The following RPS6KA2 variants were observed in gnomAD, a reference collection of about 807,000 sequenced individuals.
The protein encoded by RPS6KA2 is ribosomal protein S6 kinase A2, also known as ribosomal protein S6 kinase alpha-2.
Under a neutral mutation model 91.8 loss-of-function variants are expected in RPS6KA2, and 42 were observed. The observed-to-expected ratio is 0.46, with a 90% CI of 0.36 to 0.59. The LOEUF (loss-of-function observed/expected upper bound fraction) is 0.59, where lower values mean the gene tolerates loss of function less well. Ranked by LOEUF, RPS6KA2 falls within the 20% of genes least tolerant of loss-of-function variation. RPS6KA2 has a pLI of 0.00. For missense variants in RPS6KA2, 798 were observed against 978.5 expected (o/e 0.82, Z 2.46); for synonymous variants, 414 against 393.6 (o/e 1.05, Z -0.61).
At chr6:166,788,427 G>C (rs996206559) in intron 2 of RPS6KA2, among the ~76,000 whole-genome samples, 2 of 152,162 alleles carry the variant, frequency 1.3e-5, no homozygotes, top group Non-Finnish European at 2.9e-5. Context: ...CAAAGACATG[G>C]AACCAACCCA....
In RPS6KA2 at chr6:166,639,585, T is replaced by C. The variant is rs553660723; in HGVS notation, c.124-100801A>G. ...TTCTTCCTAGCCAGGCCTTCTTCCATGTTGCGTTTGCCTCTCCTCCTTCCT... is the reference window on the plus strand; with the variant it reads ...TTCTTCCTAGCCAGGCCTTCTTCCACGTTGCGTTTGCCTCTCCTCCTTCCT... On this transcript the variant is annotated intron_variant, in intron 2 of 21. Coordinates refer to the RPS6KA2 transcript ENST00000503859. This position sits in a 1 kb window ranked among gnomAD's most constrained non-coding sequence, Gnocchi z 4.2. Among the ~76,000 whole-genome samples the C allele has an allele frequency of 1.3e-5, 2 of 152,262 alleles. No individual in the cohort carries two copies. Among genetic ancestry groups the C allele is most frequent in the South Asian group, 4.1e-4 (2 of 4,820 alleles).
intron 2 of RPS6KA2, among the ~76,000 whole-genome samples, chr6:166,659,794 G>A (rs575159699): frequency 6.6e-6 from 1 of 152,382 alleles, no homozygotes; most frequent in Non-Finnish European, 1.5e-5. Context: ...CACCGACTGC[G>A]GGATGGGGGA....
At chr6:166,429,517 C>G (rs539980632) in intron 16 of RPS6KA2, among the ~76,000 whole-genome samples, 1 of 152,294 alleles carries the variant, frequency 6.6e-6, no homozygotes, top group East Asian at 1.9e-4. Flanking sequence ...GTGGCGTGAT[C>G]TTGGCTCATT....
At position 166,702,865 on chromosome 6, in the gene RPS6KA2, AT is replaced by A. The variant is rs933411391; in HGVS notation, c.123+155334del. The A allele has an allele frequency of 5.8e-5, 54 of 937,956 alleles. No individual in the cohort carries two copies. The East Asian group carries it at 8.4e-4, about 15-fold the overall frequency. The allele number at this position is 937,956 out of a possible 1,614,324, so 58.1% of individuals were successfully genotyped here. A position where few individuals can be genotyped will look rare whatever the true frequency, so the allele number is the denominator to read the frequency against. On this transcript the variant is annotated intron_variant, in intron 2 of 21. Coordinates refer to the RPS6KA2 transcript ENST00000503859. The stretch of plus-strand genomic sequence containing the variant: ...TGTGAAGAATGGTTGTTTAAAAAAA[AT>A]TAATGAGAAAAACGAAAATTAAAAC...
At chr6:166,702,108 C>T (rs949348156) in intron 2 of RPS6KA2, 20 of 1,501,106 alleles carry the variant, frequency 1.3e-5, no homozygotes, top group Non-Finnish European at 1.8e-5. Context: ...ATCGACTTCT[C>T]AGCAGCCCCT....
intron 15 of RPS6KA2, among the ~76,000 whole-genome samples, chr6:166,431,711 G>A (rs905020029): frequency 1.8e-4 from 27 of 152,076 alleles, no homozygotes; most frequent in African/African-American, 6.0e-4. Context: ...CCACCTCCCA[G>A]GTTCAAGCAA....
intron 2 of RPS6KA2, among the ~76,000 whole-genome samples, chr6:166,828,007 G>C (rs1780089788): frequency 6.6e-6 from 1 of 152,212 alleles, no homozygotes; most frequent in Admixed American, 6.5e-5. Flanking sequence ...TATTCTGTTA[G>C]AAGAGATGGC....
intron 2 of RPS6KA2, chr6:166,857,957 G>T: frequency 1.9e-6 from 1 of 524,488 alleles, no homozygotes; most frequent in Non-Finnish European, 3.3e-6. Context: ...ACTTTACCTC[G>T]ATGGACAGCC....
chr6:166,539,061 G>A (rs532050841), intron 1 of RPS6KA2, among the ~76,000 whole-genome samples: 1 of 151,944 alleles, frequency 6.6e-6, no homozygotes, highest in East Asian at 1.9e-4. Flanking sequence ...TCAGCCTCCT[G>A]CCACCATGCC....
At chr6:166,592,788 A>G (rs1429483491) in intron 1 of RPS6KA2, among the ~76,000 whole-genome samples, 2 of 152,216 alleles carry the variant, frequency 1.3e-5, no homozygotes, top group Non-Finnish European at 2.9e-5. Flanking sequence ...CTGTGACTCA[A>G]AGAACAGGCC....
intron 2 of RPS6KA2, among the ~76,000 whole-genome samples, chr6:166,660,869 A>T (rs1216524534): frequency 6.6e-6 from 1 of 152,130 alleles, no homozygotes; most frequent in Non-Finnish European, 1.5e-5. Context: ...AGCACAGAGC[A>T]TTCATGAACG....
intron 11 of RPS6KA2, among the ~76,000 whole-genome samples, chr6:166,461,670 T>A (rs1284973959): frequency 6.6e-6 from 1 of 152,132 alleles, no homozygotes; most frequent in Non-Finnish European, 1.5e-5. Context: ...ACTTTTATTA[T>A]GAGGAGGAAT....
rs187045007 is a variant in RPS6KA2, at chr6:166,706,339, A to C, written c.123+151861T>G. Among the ~76,000 whole-genome samples the C allele has an allele frequency of 2.6e-5, 4 of 152,360 alleles. No homozygotes were observed. In the East Asian group the frequency reaches 7.7e-4, roughly 29 times the overall value. ...CCAGGAATGAAAACAGTTCACAGCAAGAGAAATGTAAATGACTGGCAAGTA... is the reference window on the plus strand; with the variant it reads ...CCAGGAATGAAAACAGTTCACAGCACGAGAAATGTAAATGACTGGCAAGTA... On this transcript the variant is annotated intron_variant, in intron 2 of 21. Transcript: ENST00000503859.
At chr6:166,601,666 A>G (rs1176893461) in intron 1 of RPS6KA2, among the ~76,000 whole-genome samples, 2 of 152,250 alleles carry the variant, frequency 1.3e-5, no homozygotes, top group Non-Finnish European at 2.9e-5. Context: ...GAACAACACA[A>G]TAAGGGGCAC....
intron 2 of RPS6KA2, among the ~76,000 whole-genome samples, chr6:166,760,218 G>A (rs1226669886): frequency 2.0e-5 from 3 of 152,188 alleles, no homozygotes; most frequent in East Asian, 1.9e-4. Context: ...GGGGAATGGC[G>A]ATTTGGAGAG....
At chr6:166,450,179 C>T (rs533192744) in intron 13 of RPS6KA2, among the ~76,000 whole-genome samples, 2 of 147,528 alleles carry the variant, frequency 1.4e-5, no homozygotes, top group African/African-American at 2.5e-5. Context: ...CCATGGGGAC[C>T]ACCACAACAG....
At chr6:166,530,342 C>T (rs1254776902) in intron 3 of RPS6KA2, among the ~76,000 whole-genome samples, 1 of 152,202 alleles carries the variant, frequency 6.6e-6, no homozygotes, top group Non-Finnish European at 1.5e-5. Flanking sequence ...TAAAAGGCTT[C>T]AGTTCCCTGC....
At position 166,498,622 on chromosome 6, in the gene RPS6KA2, G is replaced by A. The variant is rs543103655; in HGVS notation, c.633C>T (p.Asp211=). 7.4e-6 allele frequency: 12 copies of A among 1,613,472 alleles called. No homozygotes were observed. The African/African-American group carries it at 1.1e-4, about 14-fold the overall frequency. Reference sequence around the variant, plus strand: ...AGAAGGAGTACGCTCTCTTGTCGTGGTCAATGGCCTCCTTACTCAGGCCGA... The same window carrying A: ...AGAAGGAGTACGCTCTCTTGTCGTGATCAATGGCCTCCTTACTCAGGCCGA... ...TDFGLSKEAI[D]HDKRAYSFCG... The change falls in exon 8 of 21, where the codon GAC becomes GAT. Residue 211 remains aspartate, a synonymous_variant. Transcript: ENST00000265678.
intron 1 of RPS6KA2, among the ~76,000 whole-genome samples, chr6:166,598,248 C>A (rs1276611542): frequency 6.6e-6 from 1 of 152,218 alleles, no homozygotes; most frequent in East Asian, 1.9e-4. Flanking sequence ...TCCTTTGATG[C>A]TTTCCCTCCC....
Sources: gnomAD v4.1 joint callset for allele counts (sites outside exome capture counted in the v4.1 genomes callset) on GRCh38, gnomAD v4.1.1 for gene constraint, Gnocchi (gnomAD v3.1) non-coding constraint, MANE v1.5 for transcripts, NCBI Gene and HGNC (gene_info 2026-07-23, HGNC 2026-07-21) for gene names.